The following ZNF507 variants were observed in gnomAD, a reference collection of about 807,000 sequenced individuals.
ZNF507 encodes zinc finger protein 507.
In ZNF507, 29 loss-of-function variants were observed where a neutral mutation model predicts 80.0. The ratio of observed to expected loss-of-function variants is 0.36; its 90% CI spans 0.27 to 0.49. ZNF507 has a LOEUF of 0.49. Among genes scored for constraint, ZNF507 ranks in the 20% least tolerant of loss-of-function variants. The pLI is 0.98. For missense variants in ZNF507, 1,081 were observed against 1,152.2 expected (o/e 0.94, Z 0.90); for synonymous variants, 462 against 422.5 (o/e 1.09, Z -1.15).
chr19:32,371,245 C>T (rs1418926435), intron 5 of ZNF507, among the ~76,000 whole-genome samples: 1 of 151,970 alleles, frequency 6.6e-6, no homozygotes, highest in African/African-American at 2.4e-5. Flanking sequence ...GAGGCTGAGG[C>T]GGGTGGATCA....
At chr19:32,367,824 A>T (rs1292275019) in intron 5 of ZNF507, among the ~76,000 whole-genome samples, 1 of 152,214 alleles carries the variant, frequency 6.6e-6, no homozygotes, top group Non-Finnish European at 1.5e-5. Flanking sequence ...CTCTCAGTGT[A>T]GTCAGTTATT....
At position 32,353,362 on chromosome 19, in the gene ZNF507, C is replaced by G; in HGVS notation, c.532C>G (p.His178Asp). 6.2e-7 allele frequency: 1 copy of G among 1,614,172 alleles called. No homozygotes were observed. Among genetic ancestry groups the G allele is most frequent in the East Asian group, 2.2e-5 (1 of 44,886 alleles). Reference protein sequence around the residue: ...EELEAHVVNDHDNDANIHTQS... With the variant: ...EELEAHVVNDDDNDANIHTQS... ...ACTTGAAGCCCACGTGGTGAATGAC[C>G]ATGACAATGATGCCAATATCCACAC... is the stretch of plus-strand genomic sequence containing the variant. The change falls in exon 3 of 7, where the codon CAT becomes GAT. Residue 178 changes from histidine (H) to aspartate (D), a missense_variant. His to Asp is a moderately conservative substitution (Grantham distance 81). Coordinates refer to ENST00000355898, the MANE Select transcript of ZNF507 (RefSeq NM_001136156.2).
At chr19:32,378,307 C>A (rs1305579812) in intron 5 of ZNF507, among the ~76,000 whole-genome samples, 2 of 152,052 alleles carry the variant, frequency 1.3e-5, no homozygotes, top group East Asian at 3.9e-4. Flanking sequence ...TTTCCGAGAC[C>A]ACAACGCTGC....
chr19:32,346,858 G>C (rs1967103946), intron 1 of ZNF507, among the ~76,000 whole-genome samples: 1 of 152,170 alleles, frequency 6.6e-6, no homozygotes, highest in African/African-American at 2.4e-5. Context: ...TATTGTGCTT[G>C]GTTGCAGAAT....
At chr19:32,372,779 TC>T (rs1444733051) in intron 5 of ZNF507, among the ~76,000 whole-genome samples, 1 of 151,040 alleles carries the variant, frequency 6.6e-6, no homozygotes, top group Non-Finnish European at 1.5e-5. Flanking sequence ...CACAGAAACC[TC>T]CCACTAGGCC....
At chr19:32,368,385 G>A (rs1967427324) in intron 5 of ZNF507, among the ~76,000 whole-genome samples, 1 of 152,224 alleles carries the variant, frequency 6.6e-6, no homozygotes, top group Non-Finnish European at 1.5e-5. Context: ...TTGGGCATCA[G>A]CTGGAACACA....
In ZNF507 at chr19:32,383,150, C is replaced by T. The variant is rs1967646505; in HGVS notation, c.*67C>T. On this transcript the variant is annotated 3_prime_UTR_variant, in exon 7 of 7. Transcript: ENST00000355898. ...CCTTCACCACAGTTTCACCTTTACG[C>T]TGTCAGACAACTTCCTGCCACAGAA... The T allele has an allele frequency of 6.5e-7, 1 of 1,527,428 alleles. No individual in the cohort carries two copies. The highest frequency in any genetic ancestry group is 2.3e-5 in the East Asian group (1 of 43,720). 94.6% of individuals were successfully genotyped at this position (1,527,428 alleles called of 1,614,324 possible).
At chr19:32,360,364 C>G in intron 4 of ZNF507, 140 bp from the exon 5 acceptor site, 1 of 467,820 alleles carries the variant, frequency 2.1e-6, no homozygotes, top group East Asian at 3.4e-5. Flanking sequence ...CCACTTCAGA[C>G]TTGTTAAAAC....
chr19:32,372,676 T>C (rs1324001410), intron 5 of ZNF507, among the ~76,000 whole-genome samples: 4 of 151,504 alleles, frequency 2.6e-5, no homozygotes, highest in African/African-American at 9.7e-5. Flanking sequence ...ACTAACTCAT[T>C]CCAAGAACCA....
intron 5 of ZNF507, among the ~76,000 whole-genome samples, chr19:32,372,292 ACTTGC>A (rs1967484628): frequency 6.6e-6 from 1 of 152,184 alleles, no homozygotes; most frequent in Non-Finnish European, 1.5e-5. Flanking sequence ...TTGTCTTTAT[ACTTGC>A]CTATATTCCA....
At chr19:32,365,180 G>A (rs1484987267) in intron 5 of ZNF507, among the ~76,000 whole-genome samples, 1 of 152,104 alleles carries the variant, frequency 6.6e-6, no homozygotes, top group African/African-American at 2.4e-5. Context: ...CCCACTTTTT[G>A]ATGGGATTGA....
At chr19:32,361,901 C>CTCCT (rs569072237) in intron 5 of ZNF507, among the ~76,000 whole-genome samples, 7,628 of 133,478 alleles carry the variant, frequency 0.057, 406 homozygotes, top group Admixed American at 0.15. Flanking sequence ...CCCTCCCTCC[C>CTCCT]TCCTTCCTTC....
At chr19:32,380,594 C>T in intron 5 of ZNF507, 3 of 1,535,262 alleles carry the variant, frequency 2.0e-6, no homozygotes, top group Non-Finnish European at 2.6e-6. Context: ...CTGACTGTGT[C>T]TCTTATTGGT....
chr19:32,354,563 A>AGG lies in ZNF507; in HGVS notation c.1734_1735dup (p.Val579GlyfsTer17). The AGG allele has an allele frequency of 6.2e-7, 1 of 1,614,172 alleles. No homozygotes were observed. The stretch of plus-strand genomic sequence containing the variant: ...GGTAGGCAGGAATTGTCAGATGGGC[A>AGG]GGTTAAGACAGGCATCAGCATGTCC... On this transcript the variant is annotated frameshift_variant, in exon 3 of 7. Transcript: ENST00000355898. LOFTEE classifies it high-confidence loss of function.
rs772991831 is a variant in ZNF507 at position 32,353,881 on chromosome 19, T to A, written c.1051T>A (p.Ser351Thr). The change falls in exon 3 of 7, where the codon TCA becomes ACA. Residue 351 changes from serine to threonine, a missense_variant. Physicochemically the swap from Ser to Thr is moderately conservative, Grantham distance 58. Around this residue, in one of 6 missense-constraint regions of ZNF507, gnomAD observed 614 missense variants for 583.9 expected, o/e 1.05. Transcript: ENST00000355898. ...SAERGVHLSQ[S>T]VTLDPNEEEM... is the part of the protein sequence containing the mutation. ...AGAAAGAGGAGTACACCTAAGTCAG[T>A]CAGTTACCCTGGACCCCAATGAGGA... 1.2e-6 allele frequency: 2 copies of A among 1,614,170 alleles called. No homozygotes were observed. The highest frequency in any genetic ancestry group is 2.2e-5 in the South Asian group (2 of 91,090).
At chr19:32,373,777 C>G (rs114894624) in intron 5 of ZNF507, among the ~76,000 whole-genome samples, 92 of 152,344 alleles carry the variant, frequency 6.0e-4, no homozygotes, top group African/African-American at 2.2e-3. Context: ...TTGCTTCCAG[C>G]ATTATCACTT....
chr19:32,362,020 G>A (rs1287867210), intron 5 of ZNF507, among the ~76,000 whole-genome samples: 1 of 151,932 alleles, frequency 6.6e-6, no homozygotes. Context: ...CCGGGTTCAA[G>A]TGATTCTCAT....
At position 32,353,745 on chromosome 19, in the gene ZNF507, C is replaced by T. The variant is rs1400258076; in HGVS notation, c.915C>T (p.Val305=). The change falls in exon 3 of 7, where the codon GTC becomes GTT. Residue 305 remains valine (V), a synonymous_variant. Coordinates refer to ENST00000355898, the MANE Select transcript of ZNF507 (RefSeq NM_001136156.2). The part of the protein sequence containing the change: ...AAAAPGGVDA[V]VIAIGESELS... ...CTGCGCCTGGTGGGGTCGATGCAGT[C>T]GTCATTGCTATTGGAGAGAGTGAAC... 9.9e-6 allele frequency: 16 copies of T among 1,614,008 alleles called. No homozygotes were observed. The highest frequency in any genetic ancestry group is 1.3e-5 in the African/African-American group (1 of 74,910).
At chr19:32,352,685 G>T (rs1054744034) in intron 2 of ZNF507, 144 bp from the exon 3 acceptor site, 5 of 626,300 alleles carry the variant, frequency 8.0e-6, no homozygotes, top group African/African-American at 5.6e-5. Context: ...ACTGGGGATC[G>T]CCGGGTGTGT....
Sources: allele counts gnomAD v4.1 joint callset (sites outside exome capture counted in the v4.1 genomes callset), GRCh38; gene constraint gnomAD v4.1.1; regional missense constraint gnomAD v4.1.1; transcripts MANE v1.5; gene names NCBI Gene and HGNC (gene_info 2026-07-23, HGNC 2026-07-21).